The following SPEF2 variants were observed in gnomAD, a reference collection of about 807,000 sequenced individuals.
SPEF2 encodes the protein sperm flagella and cilia-associated protein 2.
SPEF2 carries 187 observed loss-of-function variants against 224.6 expected under a neutral mutation model. That is an observed-to-expected ratio of 0.83 (90% confidence interval 0.74 to 0.94). The LOEUF is 0.94. Ranked by LOEUF, SPEF2 falls within the 40% of genes least tolerant of loss-of-function variation. The pLI is 0.00. For synonymous variants in SPEF2, 715 were observed against 707.3 expected, an observed-to-expected ratio of 1.01 and a Z score of -0.17; for missense variants, 2,170 against 2,135.6, an observed-to-expected ratio of 1.02 and a Z score of -0.32.
At position 35,628,673 on chromosome 5, in the gene SPEF2, C is replaced by A; in HGVS notation, c.161+111C>A. 2.9e-6 allele frequency: 2 copies of A among 679,670 alleles called. 1 individual carries two copies. The highest frequency in any genetic ancestry group is 3.9e-5 in the South Asian group (2 of 51,254). 42.1% of individuals were successfully genotyped at this position (679,670 alleles called of 1,614,324 possible). A position where few individuals can be genotyped will look rare whatever the true frequency, so the allele number is the denominator to read the frequency against. On this transcript the variant is annotated intron_variant, in intron 2 of 36. Transcript: ENST00000356031. ...GTAGCGTGATCATAGCTCACAGCAACCTCAAACTCCTGGGATAAAGCAATC... is the reference window on the plus strand; with the variant it reads ...GTAGCGTGATCATAGCTCACAGCAAACTCAAACTCCTGGGATAAAGCAATC...
intron 8 of SPEF2, 123 bp from the exon 9 acceptor site, chr5:35,666,949 A>G (rs908488572): frequency 2.4e-6 from 2 of 843,140 alleles, no homozygotes; most frequent in Non-Finnish European, 3.6e-6. Flanking sequence ...TTCATGATTA[A>G]TTTTTTTCCT....
intron 21 of SPEF2, among the ~76,000 whole-genome samples, chr5:35,738,151 C>A (rs1400890162): frequency 6.6e-6 from 1 of 152,032 alleles, no homozygotes; most frequent in Non-Finnish European, 1.5e-5. Context: ...AAATTTTCTC[C>A]CCTTCTGTAG....
chr5:35,806,873 A>G lies in SPEF2; in HGVS notation c.5177A>G (p.Lys1726Arg), dbSNP rs201679532. The G allele has an allele frequency of 1.2e-6, 2 of 1,614,104 alleles. No individual in the cohort carries two copies. The highest frequency in any genetic ancestry group is 1.7e-6 in the Non-Finnish European group (2 of 1,179,974). Reference protein sequence around the residue: ...NEKMSMETLLKVFKGGSEAQD... With the variant: ...NEKMSMETLLRVFKGGSEAQD... ...AAGATGTCCATGGAAACACTACTCA[A>G]AGTGTTCAAAGGGGGAAGTGAAGCA... Residue 1726 changes from lysine to arginine, a missense_variant, in exon 35 of 37, where the codon AAA (lysine) becomes AGA (arginine). Lys to Arg is a conservative substitution (Grantham distance 26). Coordinates refer to ENST00000356031, the MANE Select transcript of SPEF2 (RefSeq NM_024867.4).
chr5:35,733,109 G>GT (rs113733008), intron 21 of SPEF2, among the ~76,000 whole-genome samples: 5,567 of 150,970 alleles, frequency 0.037, 285 homozygotes, highest in African/African-American at 0.11. Context: ...GTTTTTTTTT[G>GT]TTTTTTGTTT....
intron 23 of SPEF2, among the ~76,000 whole-genome samples, chr5:35,747,468 A>G (rs566875712): frequency 2.4e-4 from 37 of 152,320 alleles, no homozygotes; most frequent in Middle Eastern, 3.4e-3. Flanking sequence ...AAGGACTCAC[A>G]TAAACTTAAA....
At chr5:35,650,922 G>A (rs1201816365) in intron 6 of SPEF2, among the ~76,000 whole-genome samples, 1 of 151,720 alleles carries the variant, frequency 6.6e-6, no homozygotes, top group Non-Finnish European at 1.5e-5. Context: ...AGCCCATAGT[G>A]TATGCTGTAG....
rs1264576096 is a variant in SPEF2, at chr5:35,691,011, T to G, written c.1525-26T>G. The G allele has an allele frequency of 1.9e-6, 3 of 1,582,478 alleles. No individual in the cohort carries two copies. The South Asian group carries it at 3.4e-5, about 18-fold the overall frequency. On this transcript the variant is annotated intron_variant, in intron 10 of 36. Coordinates refer to ENST00000356031, the MANE Select transcript of SPEF2 (RefSeq NM_024867.4). ...TAAATTCCACTTTTCAGAATATTTC[T>G]GTTTATTTGATCGTTATTTTTACAG...
chr5:35,750,124 A>C (rs1030267575), intron 23 of SPEF2, among the ~76,000 whole-genome samples: 1 of 152,180 alleles, frequency 6.6e-6, no homozygotes, highest in Non-Finnish European at 1.5e-5. Flanking sequence ...TGTTCAACAA[A>C]TGGTGCTGGG....
At chr5:35,660,968 A>G (rs1307304135) in intron 8 of SPEF2, among the ~76,000 whole-genome samples, 1 of 151,958 alleles carries the variant, frequency 6.6e-6, no homozygotes, top group African/African-American at 2.4e-5. Context: ...ACCTTTTCCA[A>G]CAGCGGAGCT....
At chr5:35,680,758 C>T (rs1381636146) in intron 10 of SPEF2, among the ~76,000 whole-genome samples, 3 of 152,100 alleles carry the variant, frequency 2.0e-5, no homozygotes, top group Non-Finnish European at 2.9e-5. Flanking sequence ...TAATGCAAAA[C>T]GGACCTAACC....
chr5:35,709,535 A>G, intron 19 of SPEF2: 4 of 988,126 alleles, frequency 4.0e-6, no homozygotes, highest in Non-Finnish European at 4.8e-6. Context: ...GAATAAGGGA[A>G]CAAATTAACA....
rs1415004077 is a variant in SPEF2 at position 35,659,191 on chromosome 5, C to A, written c.1151C>A (p.Ala384Asp). ...EERRLKDFQD[A>D]LDREAALAKQ... The stretch of plus-strand genomic sequence containing the variant: ...AGACGACTTAAAGATTTCCAGGATG[C>A]TCTTGATCGAGAAGCGGTAAATACC... The change falls in exon 8 of 37, where the codon GCT (alanine) becomes GAT (aspartate). Residue 384 changes from alanine to aspartate, a missense_variant. By Grantham distance (126) the Ala-to-Asp change is moderately radical. Transcript: ENST00000356031. The A allele has an allele frequency of 6.2e-6, 10 of 1,608,712 alleles. No individual in the cohort carries two copies. Among genetic ancestry groups the A allele is most frequent in the African/African-American group, 5.4e-5 (4 of 74,694 alleles).
At chr5:35,665,148 T>G (rs1466067103) in intron 8 of SPEF2, among the ~76,000 whole-genome samples, 2 of 152,078 alleles carry the variant, frequency 1.3e-5, no homozygotes, top group East Asian at 3.9e-4. Context: ...TTATTTACAT[T>G]TAACACATCA....
chr5:35,806,677 A>G (rs772242707), intron 34 of SPEF2, 30 bp from the exon 35 acceptor site: 5 of 1,583,722 alleles, frequency 3.2e-6, no homozygotes, highest in Admixed American at 3.8e-5. Context: ...CTTCAGTTTA[A>G]CTTCATGTTC....
intron 34 of SPEF2, among the ~76,000 whole-genome samples, chr5:35,805,310 A>G (rs1757924108): frequency 6.6e-6 from 1 of 152,156 alleles, no homozygotes; most frequent in South Asian, 2.1e-4. Context: ...ACCTGCCTTC[A>G]TTACACTGCC....
rs139412438 is a variant in SPEF2, at chr5:35,717,559, G to C, written c.2914+4673G>C. Among the ~76,000 whole-genome samples the C allele has an allele frequency of 3.6e-4, 55 of 152,244 alleles. 1 individual carries two copies. In the East Asian group the frequency reaches 9.5e-3, roughly 26 times the overall value. On this transcript the variant is annotated intron_variant, in intron 20 of 36. Transcript: ENST00000356031. Reference sequence around the variant, plus strand: ...CCATCCCATGGCCATGAAAATTTAGGCTCACAGACGGCTTAAAGGGTGAGT... The same window carrying C: ...CCATCCCATGGCCATGAAAATTTAGCCTCACAGACGGCTTAAAGGGTGAGT...
In SPEF2 at chr5:35,789,314, A is replaced by G. The variant is rs1204416486; in HGVS notation, c.4448-3026A>G. On this transcript the variant is annotated intron_variant, in intron 30 of 36. Coordinates refer to ENST00000356031, the MANE Select transcript of SPEF2 (RefSeq NM_024867.4). ...TGTCAATAAGAATAGAAATTCCTCA[A>G]TTGCTGACATATTTGCCACTTTAGA... The G allele has an allele frequency of 5.7e-6, 4 of 703,422 alleles. No homozygotes were observed. The South Asian group carries it at 5.9e-5, about 10-fold the overall frequency. 43.6% of individuals were successfully genotyped at this position (703,422 alleles called of 1,614,324 possible).
chr5:35,666,961 GT>G lies in SPEF2; in HGVS notation c.1168-110del, dbSNP rs1414326910. ...TCATTCATGATTAATTTTTTTCCTG[GT>G]GTGAGAAGAGGTTTCATTCTACTGA... On this transcript the variant is annotated intron_variant, in intron 8 of 36. Transcript: ENST00000356031. The G allele has an allele frequency of 4.2e-6, 4 of 943,074 alleles. No individual in the cohort carries two copies. In the African/African-American group the frequency reaches 6.7e-5, roughly 16 times the overall value. 58.4% of individuals were successfully genotyped at this position (943,074 alleles called of 1,614,324 possible).
chr5:35,740,314 T>C (rs774186065), intron 23 of SPEF2, 47 bp downstream of exon 23: 1 of 1,605,252 alleles, frequency 6.2e-7, no homozygotes, highest in Non-Finnish European at 8.5e-7. Context: ...GGCTTTCATA[T>C]CTTGTCCTGC....
Sources: gnomAD v4.1 joint callset for allele counts (sites outside exome capture counted in the v4.1 genomes callset) on GRCh38, gnomAD v4.1.1 for gene constraint, MANE v1.5 for transcripts, NCBI Gene and HGNC (gene_info 2026-07-23, HGNC 2026-07-21) for gene names.